Variants in CHCHD3 observed in about 807,000 individuals in gnomAD.
CHCHD3 encodes MICOS complex subunit MIC19.
A neutral mutation model predicts 38.2 loss-of-function variants in CHCHD3; 20 were observed. That is an observed-to-expected ratio of 0.52 (90% CI 0.37 to 0.76). The LOEUF is 0.76. Among genes scored for constraint, CHCHD3 ranks in the 30% least tolerant of loss-of-function variants. CHCHD3 has a pLI of 0.00. For missense variants in CHCHD3, 245 were observed against 279.2 expected (o/e 0.88, Z 0.87); for synonymous variants, 82 against 100.0 (o/e 0.82, Z 1.07).
chr7:132,823,332 T>C (rs911396877), intron 6 of CHCHD3, among the ~76,000 whole-genome samples: 1 of 152,224 alleles, frequency 6.6e-6, no homozygotes, highest in Admixed American at 6.5e-5. Flanking sequence ...AGATAAACTA[T>C]GTTTTTTCCT....
intron 4 of CHCHD3, among the ~76,000 whole-genome samples, chr7:132,952,323 G>C (rs1490474641): frequency 6.6e-6 from 1 of 152,204 alleles, no homozygotes; most frequent in Non-Finnish European, 1.5e-5. Context: ...CTCTCTAATT[G>C]TTTGGCAGAG....
At chr7:132,797,772 T>C (rs982013005) in intron 6 of CHCHD3, among the ~76,000 whole-genome samples, 2 of 152,124 alleles carry the variant, frequency 1.3e-5, no homozygotes, top group Admixed American at 1.3e-4. Context: ...GCTTGAAAAA[T>C]GATAATGAAC....
chr7:132,790,757 A>C (rs1563235913), intron 7 of CHCHD3, among the ~76,000 whole-genome samples: 1 of 152,018 alleles, frequency 6.6e-6, no homozygotes, highest in Non-Finnish European at 1.5e-5. Flanking sequence ...CATCGGGGGG[A>C]CCCTGATGTG....
chr7:132,865,165 G>C (rs907872638), intron 5 of CHCHD3, among the ~76,000 whole-genome samples: 2 of 152,204 alleles, frequency 1.3e-5, no homozygotes, highest in African/African-American at 4.8e-5. Flanking sequence ...AGAAAAACAA[G>C]TGATGACCCA....
At chr7:133,066,736 C>T (rs1814680707) in intron 2 of CHCHD3, among the ~76,000 whole-genome samples, 2 of 152,136 alleles carry the variant, frequency 1.3e-5, no homozygotes, top group South Asian at 4.2e-4. Context: ...TCATAGAAAA[C>T]CTCCCGACCC....
intron 4 of CHCHD3, among the ~76,000 whole-genome samples, chr7:132,928,121 A>C (rs898486837): frequency 6.6e-6 from 1 of 152,114 alleles, no homozygotes; most frequent in Non-Finnish European, 1.5e-5. Context: ...AGGGAATCCC[A>C]TCTTCCTAGT....
chr7:132,897,404 T>C (rs1406059036), intron 4 of CHCHD3, among the ~76,000 whole-genome samples: 1 of 152,240 alleles, frequency 6.6e-6, no homozygotes. Context: ...TTCACACTAT[T>C]GGGACCAATT....
At chr7:132,864,358 A>G (rs10954394) in intron 5 of CHCHD3, among the ~76,000 whole-genome samples, 34,066 of 152,118 alleles carry the variant, frequency 0.22, 4,037 homozygotes, top group South Asian at 0.26. Flanking sequence ...ACAGTTATCA[A>G]TTAAGTTCAG....
intron 3 of CHCHD3, among the ~76,000 whole-genome samples, chr7:132,983,212 C>T (rs1056425716): frequency 6.6e-6 from 1 of 152,032 alleles, no homozygotes; most frequent in African/African-American, 2.4e-5. Flanking sequence ...ATCCCAGCTA[C>T]TCGGGAGGCT....
At chr7:132,858,307 C>T (rs1395194061) in intron 5 of CHCHD3, among the ~76,000 whole-genome samples, 2 of 152,194 alleles carry the variant, frequency 1.3e-5, no homozygotes, top group African/African-American at 4.8e-5. Flanking sequence ...AGGTGATCCA[C>T]CTGCTTCAGC....
At chr7:133,079,357 G>A (rs1815104279) in intron 1 of CHCHD3, among the ~76,000 whole-genome samples, 1 of 152,184 alleles carries the variant, frequency 6.6e-6, no homozygotes. Context: ...AATGAAAAGT[G>A]ACTTGTCCAG....
At chr7:132,908,219 A>G (rs757936162) in intron 4 of CHCHD3, among the ~76,000 whole-genome samples, 15 of 152,324 alleles carry the variant, frequency 9.8e-5, no homozygotes, top group Non-Finnish European at 1.5e-4. Flanking sequence ...GGTGTTTAAG[A>G]GAATCATGCT....
At chr7:132,829,122 G>C (rs949447970) in intron 6 of CHCHD3, among the ~76,000 whole-genome samples, 1 of 152,156 alleles carries the variant, frequency 6.6e-6, no homozygotes, top group African/African-American at 2.4e-5. Context: ...CCCTTAACAA[G>C]TAAATGAATT....
intron 4 of CHCHD3, among the ~76,000 whole-genome samples, chr7:132,948,249 G>C (rs1034540553): frequency 2.4e-4 from 37 of 152,006 alleles, no homozygotes; most frequent in Admixed American, 6.6e-5. Flanking sequence ...CCTTGACTCT[G>C]ACTGCTGGCT....
Position 132,896,401 on chromosome 7 carries a change from C to A in CHCHD3, c.370-10656G>T, listed in dbSNP as rs975536378. Among the ~76,000 whole-genome samples the A allele has an allele frequency of 2.0e-5, 3 of 152,176 alleles. 1 individual carries two copies. In the South Asian group the frequency reaches 6.2e-4, roughly 32 times the overall value. On this transcript the variant is annotated intron_variant, in intron 4 of 7. Transcript: ENST00000262570. ...GTTGTTAAATATTTTATATATAATT[C>A]CTGAGAACAAGGCATATTGTGATTC...
chr7:133,022,000 T>C (rs961299705), intron 3 of CHCHD3, among the ~76,000 whole-genome samples: 4 of 151,918 alleles, frequency 2.6e-5, no homozygotes, highest in Non-Finnish European at 5.9e-5. Context: ...GGCAGGAGAA[T>C]TGCTTGAACC....
At chr7:132,893,403 T>C (rs1225783839) in intron 4 of CHCHD3, among the ~76,000 whole-genome samples, 1 of 152,206 alleles carries the variant, frequency 6.6e-6, no homozygotes, top group Admixed American at 6.5e-5. Flanking sequence ...AGTAACTTAC[T>C]TACTTTTGAT....
Position 132,853,718 on chromosome 7 carries a change from C to T in CHCHD3, c.454-15249G>A, listed in dbSNP as rs140729324. ...AAGACAGTCTTGGGATTGGTGCAGG[C>T]AAGGGGTATAGAATTACTATCCAAG... is the stretch of plus-strand genomic sequence containing the variant. On this transcript the variant is annotated intron_variant, in intron 5 of 7. Coordinates refer to ENST00000262570, the MANE Select transcript of CHCHD3 (RefSeq NM_017812.4). Among the ~76,000 whole-genome samples the T allele has an allele frequency of 9.2e-5, 14 of 152,268 alleles. No individual in the cohort carries two copies. In the East Asian group the frequency reaches 2.7e-3, roughly 29 times the overall value.
intron 4 of CHCHD3, among the ~76,000 whole-genome samples, chr7:132,912,762 C>A (rs1339297176): frequency 1.3e-5 from 2 of 152,152 alleles, no homozygotes; most frequent in African/African-American, 4.8e-5. Context: ...ACCATGTTAG[C>A]CAGGCTGGTC....
Sources: allele counts gnomAD v4.1 joint callset (sites outside exome capture counted in the v4.1 genomes callset), GRCh38; gene constraint gnomAD v4.1.1; transcripts MANE v1.5; gene names NCBI Gene and HGNC (gene_info 2026-07-23, HGNC 2026-07-21).